KDM4C: variants seen among roughly 807,000 people sequenced by gnomAD.
KDM4C encodes the protein lysine demethylase 4C, also known as lysine-specific demethylase 4C.
In KDM4C, 81 loss-of-function variants were observed where a neutral mutation model predicts 129.3. That is an observed-to-expected ratio of 0.63 (90% CI 0.52 to 0.75). The LOEUF (loss-of-function observed/expected upper bound fraction) is 0.75. KDM4C is among the 30% of genes least tolerant of loss of function. The pLI is 0.00. For missense variants in KDM4C, 1,457 were observed against 1,304.0 expected (o/e 1.12, Z -1.81); for synonymous variants, 573 against 456.1 (o/e 1.26, Z -3.26).
intron 15 of KDM4C, among the ~76,000 whole-genome samples, chr9:7,024,896 G>A (rs1016164045): frequency 3.9e-5 from 6 of 152,134 alleles, no homozygotes; most frequent in African/African-American, 1.4e-4. Context: ...CTAGATCCCT[G>A]AGGAATCGCC....
chr9:7,112,419 C>A (rs1336693015), intron 18 of KDM4C, among the ~76,000 whole-genome samples: 7 of 152,028 alleles, frequency 4.6e-5, no homozygotes, highest in Non-Finnish European at 1.0e-4. Context: ...GAAACAGAGA[C>A]CTGGATTTCC....
chr9:7,015,552 C>T (rs950132079), intron 14 of KDM4C, among the ~76,000 whole-genome samples: 1 of 152,014 alleles, frequency 6.6e-6, no homozygotes, highest in Admixed American at 6.5e-5. Flanking sequence ...TTTGACATTT[C>T]CTTAAACTTT....
intron 15 of KDM4C, among the ~76,000 whole-genome samples, chr9:7,037,341 G>T (rs533716279): frequency 1.2e-3 from 183 of 152,078 alleles, no homozygotes; most frequent in Non-Finnish European, 2.4e-3. Context: ...GAGAATGTTG[G>T]TATTGGCATT....
At chr9:6,746,250 A>ATATT in intron 1 of KDM4C, among the ~76,000 whole-genome samples, 1 of 123,402 alleles carries the variant, frequency 8.1e-6, no homozygotes, top group Non-Finnish European at 1.6e-5. Flanking sequence ...CAGCCATTAT[A>ATATT]TATATATATA....
chr9:7,157,949 C>T (rs1843365484), intron 19 of KDM4C, among the ~76,000 whole-genome samples: 1 of 152,150 alleles, frequency 6.6e-6, no homozygotes, highest in African/African-American at 2.4e-5. Flanking sequence ...CCACTTTGTA[C>T]CTCTGATAGA....
At chr9:6,891,166 G>T (rs1200300327) in intron 7 of KDM4C, among the ~76,000 whole-genome samples, 1 of 152,172 alleles carries the variant, frequency 6.6e-6, no homozygotes, top group Non-Finnish European at 1.5e-5. Flanking sequence ...CTAGGTTAGG[G>T]ATGAGGGAGC....
At chr9:6,800,411 T>G (rs116224833) in intron 2 of KDM4C, among the ~76,000 whole-genome samples, 4,813 of 151,240 alleles carry the variant, frequency 0.032, 233 homozygotes, top group African/African-American at 0.11. Context: ...TAGGAGCATG[T>G]GCCTGTAGTC....
At chr9:6,979,230 C>T (rs1362846437) in intron 8 of KDM4C, among the ~76,000 whole-genome samples, 1 of 152,084 alleles carries the variant, frequency 6.6e-6, no homozygotes, top group African/African-American at 2.4e-5. Flanking sequence ...TTCTTTATTC[C>T]AATGGCAAGA....
At chr9:6,839,855 A>G (rs1049904135) in intron 4 of KDM4C, among the ~76,000 whole-genome samples, 70 of 152,098 alleles carry the variant, frequency 4.6e-4, no homozygotes, top group African/African-American at 1.5e-3. Context: ...GTGAGCAGAG[A>G]TCGCGTCACT....
At chr9:6,851,821 C>A (rs1028846879) in intron 5 of KDM4C, among the ~76,000 whole-genome samples, 1 of 152,138 alleles carries the variant, frequency 6.6e-6, no homozygotes, top group Non-Finnish European at 1.5e-5. Flanking sequence ...ATTCTGGTGT[C>A]TTGTGTCTTT....
At chr9:7,098,286 C>T (rs1836683279) in intron 17 of KDM4C, among the ~76,000 whole-genome samples, 1 of 152,182 alleles carries the variant, frequency 6.6e-6, no homozygotes. Flanking sequence ...TGAGCTCATC[C>T]CACTGGCCTT....
intron 11 of KDM4C, 116 bp from the exon 12 acceptor site, chr9:6,990,300 C>T: frequency 1.4e-6 from 1 of 724,388 alleles, no homozygotes; most frequent in Non-Finnish European, 2.4e-6. Context: ...AAGAGGTAAA[C>T]AACCACAAGA....
rs200718208 is a variant in KDM4C, at chr9:7,035,844, G to GT, written c.2260-11017dup. ...TCTCTATTCTGTTCCCTTGATGTAT[G>GT]TGTCTGTTTTTATGCCAGTTCCATG... On this transcript the variant is annotated intron_variant, in intron 15 of 21. Transcript: ENST00000381309. 2.0e-4 allele frequency among the ~76,000 whole-genome samples: 31 copies of GT among 152,232 alleles called. No homozygotes were observed. In the East Asian group the frequency reaches 6.0e-3, roughly 29 times the overall value.
intron 9 of KDM4C, chr9:6,982,550 C>T (rs1166568098): frequency 6.6e-6 from 1 of 152,146 alleles, no homozygotes; most frequent in Non-Finnish European, 1.5e-5. Flanking sequence ...ATATAACTCA[C>T]TGTGGGTTAC....
intron 19 of KDM4C, among the ~76,000 whole-genome samples, chr9:7,146,750 G>A (rs969332702): frequency 8.5e-5 from 13 of 152,192 alleles, no homozygotes; most frequent in Admixed American, 8.5e-4. Flanking sequence ...GGCCTCAGGC[G>A]AGTCACTCTT....
chr9:7,164,095 C>G (rs1444909671), intron 19 of KDM4C, among the ~76,000 whole-genome samples: 1 of 152,110 alleles, frequency 6.6e-6, no homozygotes, highest in African/African-American at 2.4e-5. Flanking sequence ...ACAGAATATG[C>G]CCAGTCTGCA....
chr9:6,798,752 G>C (rs1828259975), intron 2 of KDM4C, among the ~76,000 whole-genome samples: 1 of 152,200 alleles, frequency 6.6e-6, no homozygotes, highest in Non-Finnish European at 1.5e-5. Context: ...ATGAGCTGTT[G>C]GGTACACCTC....
At chr9:6,920,368 C>G (rs1027955248) in intron 8 of KDM4C, among the ~76,000 whole-genome samples, 3 of 152,080 alleles carry the variant, frequency 2.0e-5, no homozygotes, top group African/African-American at 7.2e-5. Context: ...TCAAGACCAG[C>G]CTGGCCAACA....
intron 1 of KDM4C, among the ~76,000 whole-genome samples, chr9:6,751,411 G>A (rs200879065): frequency 2.0e-5 from 3 of 151,994 alleles, no homozygotes; most frequent in Non-Finnish European, 4.4e-5. Flanking sequence ...GCACCACTGC[G>A]CTCCAGCCTG....
Sources: allele counts gnomAD v4.1 joint callset (sites outside exome capture counted in the v4.1 genomes callset), GRCh38; gene constraint gnomAD v4.1.1; transcripts MANE v1.5; gene names NCBI Gene and HGNC (gene_info 2026-07-23, HGNC 2026-07-21).